The following VSIR variants were observed in gnomAD, a reference collection of about 807,000 sequenced individuals.
The protein encoded by VSIR is V-set immunoregulatory receptor, also known as V-type immunoglobulin domain-containing suppressor of T-cell activation.
Under a neutral mutation model 31.0 loss-of-function variants are expected in VSIR, and 10 were observed. The ratio of observed to expected loss-of-function variants is 0.32; its 90% confidence interval spans 0.20 to 0.55. VSIR has a LOEUF of 0.55. Among genes scored for constraint, VSIR ranks in the 20% least tolerant of loss-of-function variants. VSIR has a pLI of 0.93. For synonymous variants in VSIR, 179 were observed against 180.1 expected, an observed-to-expected ratio of 0.99 and a Z score of 0.05; for missense variants, 356 against 416.2, an observed-to-expected ratio of 0.86 and a Z score of 1.26.
In VSIR at chr10:71,759,818, TATAC is replaced by T. The variant is rs1840251526; in HGVS notation, c.568+1046_568+1049del. Reference sequence around the variant, plus strand: ...CAGAGTGAAACCGTGTTTCAGAAAATATACACACACACACACACACACACACACA... The same window carrying T: ...CAGAGTGAAACCGTGTTTCAGAAAATACACACACACACACACACACACACA... On this transcript the variant is annotated intron_variant, in intron 3 of 6. Transcript: ENST00000394957. Among the ~76,000 whole-genome samples, 3 of 50,822 alleles carry T rather than the reference TATAC, an allele frequency of 5.9e-5. No individual in the cohort carries two copies. The South Asian group carries it at 1.6e-3, about 27-fold the overall frequency. The allele number at this position is 50,822 out of a possible 152,430, so 33.3% of individuals were successfully genotyped here.
intron 1 of VSIR, among the ~76,000 whole-genome samples, chr10:71,765,314 G>A (rs1022207245): frequency 6.6e-6 from 1 of 152,248 alleles, no homozygotes; most frequent in African/African-American, 2.4e-5. Context: ...CATACCTTGG[G>A]GGCTGGCCAA....
At chr10:71,769,951 C>T (rs1564785330) in intron 1 of VSIR, among the ~76,000 whole-genome samples, 1 of 152,130 alleles carries the variant, frequency 6.6e-6, no homozygotes, top group Non-Finnish European at 1.5e-5. Context: ...GCAATGTCCC[C>T]ATCTCCTGAC....
intron 3 of VSIR, chr10:71,757,559 G>C (rs1840182459): frequency 6.6e-6 from 1 of 152,372 alleles, no homozygotes; most frequent in Non-Finnish European, 1.5e-5. Context: ...CACAGGGGAA[G>C]GCAGGCATAC....
chr10:71,753,872 TGGGTCA>T (rs1296758326), intron 4 of VSIR: 8 of 456,336 alleles, frequency 1.8e-5, no homozygotes, highest in African/African-American at 1.6e-4. Flanking sequence ...AGCCGACTCA[TGGGTCA>T]GGCTTCGTGC....
In VSIR at chr10:71,748,803, G is replaced by A. The variant is rs1222170467; in HGVS notation, c.*2450C>T. The A allele has an allele frequency of 7.9e-5, 12 of 152,738 alleles. No individual in the cohort carries two copies. The highest frequency in any genetic ancestry group is 2.4e-5 in the African/African-American group (1 of 41,448). 9.5% of individuals were successfully genotyped at this position (152,738 alleles called of 1,614,324 possible). ...CACTACCATCCCGGGCAACTCAGAG[G>A]GCGGCTCCAGCAGCCTGCCCCTCCC... On this transcript the variant is annotated 3_prime_UTR_variant, in exon 7 of 7. Transcript: ENST00000394957.
At chr10:71,759,307 G>A (rs1050822963) in intron 3 of VSIR, among the ~76,000 whole-genome samples, 6 of 151,792 alleles carry the variant, frequency 4.0e-5, no homozygotes, top group Non-Finnish European at 8.8e-5. Context: ...TAAAGTGCTG[G>A]GATTACAGGC....
intron 1 of VSIR, among the ~76,000 whole-genome samples, chr10:71,769,958 T>C (rs1840649446): frequency 6.6e-6 from 1 of 152,140 alleles, no homozygotes; most frequent in African/African-American, 2.4e-5. Flanking sequence ...CCCCATCTCC[T>C]GACAACTTTA....
chr10:71,760,222 T>TATAC lies in VSIR; in HGVS notation c.568+645_568+646insGTAT, dbSNP rs1564780241. On this transcript the variant is annotated intron_variant, in intron 3 of 6. Coordinates refer to ENST00000394957, the MANE Select transcript of VSIR (RefSeq NM_022153.2). ...ACATATATATGTGTGTATATATGTG[T>TATAC]ATATATATGTATATACATATATATG... Among the ~76,000 whole-genome samples, 232 of 45,814 alleles carry TATAC rather than the reference T, an allele frequency of 5.1e-3. 74 individuals are homozygous for TATAC. Among genetic ancestry groups the TATAC allele is most frequent in the African/African-American group, 0.017 (212 of 12,750 alleles). 30.1% of individuals were successfully genotyped at this position (45,814 alleles called of 152,430 possible).
intron 1 of VSIR, among the ~76,000 whole-genome samples, chr10:71,768,067 G>A (rs540469514): frequency 6.6e-6 from 1 of 152,378 alleles, no homozygotes; most frequent in Non-Finnish European, 1.5e-5. Context: ...CTTCTATGCT[G>A]TGAAGACGTC....
intron 3 of VSIR, 145 bp downstream of exon 3, chr10:71,760,723 G>A (rs1196577825): frequency 1.4e-6 from 1 of 735,430 alleles, no homozygotes; most frequent in African/African-American, 1.7e-5. Flanking sequence ...GAAGCAGAAG[G>A]GATGTGCAGC....
At chr10:71,767,544 T>G (rs1840580129) in intron 1 of VSIR, among the ~76,000 whole-genome samples, 2 of 152,064 alleles carry the variant, frequency 1.3e-5, no homozygotes, top group African/African-American at 4.8e-5. Flanking sequence ...CCAGGCCCCA[T>G]CCCCCAGGAT....
intron 1 of VSIR, among the ~76,000 whole-genome samples, chr10:71,769,193 A>G (rs1199909774): frequency 6.6e-6 from 1 of 152,164 alleles, no homozygotes; most frequent in Non-Finnish European, 1.5e-5. Flanking sequence ...CATCAAAGAG[A>G]AAGTCTCAGT....
intron 4 of VSIR, chr10:71,753,920 T>A: frequency 2.2e-6 from 1 of 456,030 alleles, no homozygotes; most frequent in South Asian, 1.5e-5. Context: ...CATCTCATCC[T>A]CTGTGCCACC....
intron 2 of VSIR, 54 bp from the exon 3 acceptor site, chr10:71,760,978 G>T (rs1488666274): frequency 1.3e-6 from 2 of 1,578,450 alleles, no homozygotes; most frequent in South Asian, 2.2e-5. Context: ...AGGAGGCCAG[G>T]GAGGCTTGTC....
chr10:71,760,284 T>TACACACACAC (rs1840340409), intron 3 of VSIR, among the ~76,000 whole-genome samples: 4 of 108,782 alleles, frequency 3.7e-5, no homozygotes, highest in Admixed American at 1.0e-4. Context: ...TATGTATGTA[T>TACACACACAC]ATATGTGTAT....
chr10:71,760,038 CATATATACACACACACAT>C (rs1268813782), intron 3 of VSIR, among the ~76,000 whole-genome samples: 260 of 23,074 alleles, frequency 0.011, 81 homozygotes, highest in African/African-American at 0.021. Flanking sequence ...CACACACACA[CATATATACACACACACAT>C]ATATATACAC....
chr10:71,767,909 A>G (rs867222664), intron 1 of VSIR, among the ~76,000 whole-genome samples: 1 of 152,156 alleles, frequency 6.6e-6, no homozygotes, highest in South Asian at 2.1e-4. Flanking sequence ...GGAGGCTAGC[A>G]TGCCTCCCCA....
At chr10:71,763,955 G>A (rs927814576) in intron 1 of VSIR, among the ~76,000 whole-genome samples, 7 of 152,190 alleles carry the variant, frequency 4.6e-5, no homozygotes, top group Non-Finnish European at 7.3e-5. Flanking sequence ...AGCCCCAAAC[G>A]GCATGTCTGC....
Position 71,760,885 on chromosome 10 carries a change from G to A in VSIR, c.551C>T (p.Ser184Phe). ...TCCCTTACTTTCACTATCCTGGGAG[G>A]AGGATGGGTACACCACACAGTTGGA... ...APSNCVVYPS[S>F]SQDSENITAA... Residue 184 changes from serine (S) to phenylalanine (F), a missense_variant, in exon 3 of 7, where the codon TCC (serine) becomes TTC (phenylalanine). Physicochemically the swap from Ser to Phe is radical, Grantham distance 155. Transcript: ENST00000394957. 6.2e-7 allele frequency: 1 copy of A among 1,613,754 alleles called. No homozygotes were observed. Among genetic ancestry groups the A allele is most frequent in the Non-Finnish European group, 8.5e-7 (1 of 1,179,676 alleles).
Sources: gnomAD v4.1 joint callset for allele counts (sites outside exome capture counted in the v4.1 genomes callset) on GRCh38, gnomAD v4.1.1 for gene constraint, MANE v1.5 for transcripts, NCBI Gene and HGNC (gene_info 2026-07-23, HGNC 2026-07-21) for gene names.